The following COL6A5 variants were observed in gnomAD, a reference collection of about 807,000 sequenced individuals.
The protein encoded by COL6A5 is collagen type VI alpha 5 chain, also known as collagen alpha-5(VI) chain.
In COL6A5, 48 loss-of-function variants were observed where a neutral mutation model predicts 65.6. The ratio of observed to expected loss-of-function variants is 0.73; its 90% CI spans 0.58 to 0.93. COL6A5 has a LOEUF of 0.93. Among genes scored for constraint, COL6A5 ranks in the 40% least tolerant of loss-of-function variants. The probability of loss-of-function intolerance (pLI) is 0.00; values close to 1 mark genes in which losing one functional copy is unlikely to be tolerated. For synonymous variants in COL6A5, 291 were observed against 322.8 expected (o/e 0.90, Z 1.05); for missense variants, 914 against 928.3 (o/e 0.98, Z 0.20).
intron 1 of COL6A5, among the ~76,000 whole-genome samples, chr3:130,437,663 T>C (rs1709065356): frequency 6.6e-6 from 1 of 152,116 alleles, no homozygotes; most frequent in Non-Finnish European, 1.5e-5. Context: ...TCTTGTTCTC[T>C]CTCACTCCAT....
chr3:130,401,793 C>T (rs1409453413), exon 12 of COL6A5: 1 of 1,551,504 alleles, frequency 6.4e-7, no homozygotes, highest in South Asian at 1.2e-5. Flanking sequence ...TGCTGCTGTA[C>T]ATTCTGCAAA....
upstream of COL6A5, chr3:130,431,441 TAC>T: frequency 6.5e-7 from 1 of 1,547,508 alleles, no homozygotes; most frequent in Non-Finnish European, 8.7e-7. Context: ...AATAACTTAA[TAC>T]TTCTGCTTTT....
exon 7 of COL6A5, chr3:130,391,648 G>T: frequency 6.4e-7 from 1 of 1,551,646 alleles, no homozygotes; most frequent in Non-Finnish European, 8.7e-7. Flanking sequence ...AGGAACTTGA[G>T]GGTATGGCAG....
chr3:130,422,581 A>T (rs1937536510), intron 27 of COL6A5, 139 bp from the exon 28 acceptor site: 1 of 532,536 alleles, frequency 1.9e-6, no homozygotes, highest in Non-Finnish European at 3.3e-6. Flanking sequence ...ACAGGAAAAG[A>T]TGACATTTAA....
intron 12 of COL6A5, 124 bp from the exon 13 acceptor site, chr3:130,403,485 C>A: frequency 2.7e-6 from 2 of 739,432 alleles, no homozygotes; most frequent in Admixed American, 2.4e-5. Context: ...AAACTCACGG[C>A]CACATCTGCA....
At chr3:130,401,381 T>A (rs1032809452) in intron 11 of COL6A5, among the ~76,000 whole-genome samples, 1 of 152,188 alleles carries the variant, frequency 6.6e-6, no homozygotes, top group Non-Finnish European at 1.5e-5. Flanking sequence ...AATGAATGCA[T>A]AAGTAACTAA....
At chr3:130,404,329 A>G (rs1936915181) in intron 13 of COL6A5, among the ~76,000 whole-genome samples, 2 of 152,180 alleles carry the variant, frequency 1.3e-5, no homozygotes, top group South Asian at 2.1e-4. Flanking sequence ...TCCAGACTGG[A>G]TTTCTATCAC....
At chr3:130,439,339 TTGTGTGTGTG>T (rs5852597) in intron 1 of COL6A5, among the ~76,000 whole-genome samples, 173 bp from the exon 34 acceptor site, 6,665 of 146,608 alleles carry the variant, frequency 0.045, 168 homozygotes, top group South Asian at 0.089. Context: ...AAGCAGGGGA[TTGTGTGTGTG>T]TGTGTGTGTG....
chr3:130,467,115 T>G (rs896320970), intron 5 of COL6A5, among the ~76,000 whole-genome samples: 2 of 152,020 alleles, frequency 1.3e-5, no homozygotes, highest in African/African-American at 4.8e-5. Flanking sequence ...TTATTTTTAA[T>G]TTTTATGAAT....
In COL6A5 at chr3:130,367,374, C is replaced by T. The variant is rs191183496; in HGVS notation, c.-28-6237C>T. On this transcript the variant is annotated intron_variant and NMD_transcript_variant, in intron 1 of 41. Coordinates refer to the COL6A5 transcript ENST00000312481. Reference sequence around the variant, plus strand: ...TCCCCTTTGTGCATGATATTTTTGTCGATTCCCTCATTTGAAATAATACCT... The same window carrying T: ...TCCCCTTTGTGCATGATATTTTTGTTGATTCCCTCATTTGAAATAATACCT... 3.9e-5 allele frequency among the ~76,000 whole-genome samples: 6 copies of T among 152,266 alleles called. No homozygotes were observed. In the East Asian group the frequency reaches 5.8e-4, roughly 15 times the overall value.
At chr3:130,411,378 C>G (rs980239579) in intron 20 of COL6A5, among the ~76,000 whole-genome samples, 30 of 152,164 alleles carry the variant, frequency 2.0e-4, no homozygotes, top group Admixed American at 1.8e-3. Context: ...GCTTGGATTT[C>G]TTTTCTAGTA....
intron 2 of COL6A5, among the ~76,000 whole-genome samples, chr3:130,374,670 T>G (rs996948774): frequency 6.6e-6 from 1 of 152,138 alleles, no homozygotes. Context: ...CACAGGCTGG[T>G]CTCAATCTCC....
At position 130,412,942 on chromosome 3, in the gene COL6A5, A is replaced by G. The variant is rs540129221; in HGVS notation, c.4663-603A>G. On this transcript the variant is annotated intron_variant and NMD_transcript_variant, in intron 20 of 41. Transcript: ENST00000312481. ...AAGTACTTGCTTTTTACCTAAAGTA[A>G]TCATGGTTGTTTATCACAACACTAA... 7.2e-5 allele frequency among the ~76,000 whole-genome samples: 11 copies of G among 152,308 alleles called. No homozygotes were observed. In the South Asian group the frequency reaches 2.3e-3, roughly 32 times the overall value.
chr3:130,367,529 T>C (rs1173905699), intron 1 of COL6A5, among the ~76,000 whole-genome samples: 2 of 152,196 alleles, frequency 1.3e-5, no homozygotes, highest in African/African-American at 2.4e-5. Flanking sequence ...TCAAACATAC[T>C]TGGTCTCTAC....
chr3:130,372,754 A>G lies in COL6A5; in HGVS notation c.-28-857A>G, dbSNP rs185723121. ...TTGTTTCCCCTGAACTGGGGGCTTA[A>G]TCTAAATGATTTATAGGGTCTTCTC... On this transcript the variant is annotated intron_variant and NMD_transcript_variant, in intron 1 of 41. Coordinates refer to the COL6A5 transcript ENST00000312481. Among the ~76,000 whole-genome samples, 20 of 152,240 alleles carry G rather than the reference A, an allele frequency of 1.3e-4. No homozygotes were observed. The East Asian group carries it at 3.7e-3, about 28-fold the overall frequency.
chr3:130,413,526 T>A lies in COL6A5; in HGVS notation c.4663-19T>A. On this transcript the variant is annotated intron_variant and NMD_transcript_variant, in intron 20 of 41. Transcript: ENST00000312481. The stretch of plus-strand genomic sequence containing the variant: ...CATTCAGACATCCACATACTAACAG[T>A]TTGCCTTTTCTGTCCCAGGGAAGAG... The A allele has an allele frequency of 3.9e-6, 6 of 1,547,020 alleles. No individual in the cohort carries two copies. The highest frequency in any genetic ancestry group is 4.4e-6 in the Non-Finnish European group (5 of 1,143,170).
At chr3:130,352,303 TA>T (rs879489523) in intron 1 of COL6A5, among the ~76,000 whole-genome samples, 50 of 145,038 alleles carry the variant, frequency 3.4e-4, no homozygotes, top group East Asian at 9.9e-4. Flanking sequence ...ACTTAAGGTG[TA>T]AAAAAAAAAA....
chr3:130,362,252 T>TTCTCTCTTTCTCTCTCTCTC (rs1553744416), intron 1 of COL6A5, among the ~76,000 whole-genome samples: 69 of 114,352 alleles, frequency 6.0e-4, no homozygotes, highest in African/African-American at 2.3e-3. Flanking sequence ...TAAGGTTTCT[T>TTCTCTCTTTCTCTCTCTCTC]TCTCTCTCTC....
chr3:130,429,608 C>G, upstream of COL6A5: 1 of 1,541,542 alleles, frequency 6.5e-7, no homozygotes, highest in South Asian at 1.2e-5. Flanking sequence ...CCATGCTGTT[C>G]CCTGCTGAGA....
Sources: gnomAD v4.1 joint callset for allele counts (sites outside exome capture counted in the v4.1 genomes callset) on GRCh38, gnomAD v4.1.1 for gene constraint, MANE v1.5 for transcripts, NCBI Gene and HGNC (gene_info 2026-07-23, HGNC 2026-07-21) for gene names.